The following UROS variants were observed in gnomAD, a reference collection of about 807,000 sequenced individuals.
UROS encodes uroporphyrinogen III synthase, also known as uroporphyrinogen-III synthase.
Under a neutral mutation model 33.0 loss-of-function variants are expected in UROS, and 18 were observed. The ratio of observed to expected loss-of-function variants is 0.55; its 90% CI spans 0.38 to 0.81. The LOEUF (loss-of-function observed/expected upper bound fraction) is 0.81. Among genes scored for constraint, UROS ranks in the 30% least tolerant of loss-of-function variants. The pLI, the probability that UROS is intolerant of heterozygous loss-of-function variation, is 0.00. For missense variants in UROS, 293 were observed against 314.9 expected (o/e 0.93, Z 0.53); for synonymous variants, 114 against 121.1 (o/e 0.94, Z 0.38).
intron 7 of UROS, chr10:125,796,897 G>T: frequency 2.0e-6 from 2 of 981,174 alleles, no homozygotes; most frequent in Non-Finnish European, 2.4e-6. Flanking sequence ...CAGAAGAAAT[G>T]ATAACTTCAG....
intron 9 of UROS, chr10:125,793,122 C>T (rs1215349549): frequency 6.6e-6 from 1 of 152,266 alleles, no homozygotes; most frequent in Admixed American, 6.5e-5. Context: ...ACTCAGCCCC[C>T]AGCTGCCATG....
chr10:125,814,418 A>T (rs900486264), intron 4 of UROS, among the ~76,000 whole-genome samples: 7 of 152,218 alleles, frequency 4.6e-5, no homozygotes, highest in Non-Finnish European at 8.8e-5. Flanking sequence ...CAATGGTAAC[A>T]TAAGACATAA....
intron 1 of UROS, among the ~76,000 whole-genome samples, chr10:125,816,950 T>G (rs1487382013): frequency 6.6e-6 from 1 of 152,264 alleles, no homozygotes. Flanking sequence ...TTATATTGAC[T>G]CTTCTACTTA....
chr10:125,816,097 G>C, intron 3 of UROS, 80 bp downstream of exon 3: 2 of 1,352,574 alleles, frequency 1.5e-6, no homozygotes, highest in Non-Finnish European at 2.1e-6. Context: ...TAAGAAGACA[G>C]TAAAATAGTC....
chr10:125,787,002 T>C (rs756562465), downstream of UROS, among the ~76,000 whole-genome samples: 5 of 152,194 alleles, frequency 3.3e-5, no homozygotes, highest in Non-Finnish European at 2.9e-5. Context: ...GCTTTGCTCA[T>C]CTCCCGCCCC....
chr10:125,816,291 C>T, intron 2 of UROS, 31 bp from the exon 3 acceptor site: 1 of 1,609,710 alleles, frequency 6.2e-7, no homozygotes, highest in Non-Finnish European at 8.5e-7. Flanking sequence ...TCTGGATTGG[C>T]TAGGGCTGTT....
At chr10:125,799,100 C>T (rs1851603066) in intron 6 of UROS, among the ~76,000 whole-genome samples, 1 of 152,196 alleles carries the variant, frequency 6.6e-6, no homozygotes, top group South Asian at 2.1e-4. Context: ...AAAACAACCC[C>T]TTTCCATCCA....
chr10:125,806,908 TAGTTTAAGACTA>T (rs1564792013), intron 6 of UROS, among the ~76,000 whole-genome samples: 1 of 152,162 alleles, frequency 6.6e-6, no homozygotes, highest in African/African-American at 2.4e-5. Context: ...ATTCCATAAT[TAGTTTAAGACTA>T]AGTCCCCATT....
Position 125,788,824 on chromosome 10 carries a change from C to G in UROS, c.*44G>C. 2 of 1,546,888 alleles carry G rather than the reference C, an allele frequency of 1.3e-6. No individual in the cohort carries two copies. Among genetic ancestry groups the G allele is most frequent in the Non-Finnish European group, 1.7e-6 (2 of 1,145,496 alleles). On this transcript the variant is annotated 3_prime_UTR_variant, in exon 10 of 10. Transcript: ENST00000368797. ...GATGCCTGGCTCCATCCAGAGCCAG[C>G]CCAGCCCAGGGAGGCTGCATGGGGC...
chr10:125,810,747 C>A (rs1852734176), intron 5 of UROS, among the ~76,000 whole-genome samples: 1 of 152,106 alleles, frequency 6.6e-6, no homozygotes, highest in Non-Finnish European at 1.5e-5. Context: ...ATGCCTTGTC[C>A]CTGTACCTAC....
intron 1 of UROS, 103 bp downstream of exon 1, chr10:125,822,926 C>T (rs1248741813): frequency 6.6e-6 from 1 of 152,238 alleles, no homozygotes; most frequent in Non-Finnish European, 1.5e-5. Context: ...CCGCGGAAGC[C>T]TCGGGGCCCT....
At position 125,796,141 on chromosome 10, in the gene UROS, C is replaced by T. The variant is rs528088203; in HGVS notation, c.523G>A (p.Gly175Arg). ...TAGCTGTTCAGGTTCCCTTGGATTC[C>T]TGGGTGTGCAACTGTCTGATACACA... ...ITVYQTVAHP[G>R]IQGNLNSYYS... is the part of the protein sequence containing the mutation. Residue 175 changes from glycine (G) to arginine (R), a missense_variant, in exon 8 of 10, where the codon GGA becomes AGA. Physicochemically the swap from Gly to Arg is moderately radical, Grantham distance 125. Coordinates refer to ENST00000368797, the MANE Select transcript of UROS (RefSeq NM_000375.3). 6.2e-7 allele frequency: 1 copy of T among 1,614,162 alleles called. No homozygotes were observed. Among genetic ancestry groups the T allele is most frequent in the South Asian group, 1.1e-5 (1 of 91,082 alleles).
At chr10:125,818,516 T>C (rs1361339081) in intron 1 of UROS, among the ~76,000 whole-genome samples, 1 of 151,094 alleles carries the variant, frequency 6.6e-6, no homozygotes, top group Non-Finnish European at 1.5e-5. Context: ...ATAATAATAA[T>C]ATAAAATTAA....
At chr10:125,789,126 C>T (rs750352395) in intron 9 of UROS, 121 bp from the exon 10 acceptor site, 19 of 1,450,248 alleles carry the variant, frequency 1.3e-5, no homozygotes, top group Middle Eastern at 3.8e-4. Flanking sequence ...GCTCATGTGA[C>T]GTGTTTATAA....
At chr10:125,801,948 T>C (rs1462769499) in intron 6 of UROS, 2 of 916,106 alleles carry the variant, frequency 2.2e-6, no homozygotes, top group African/African-American at 1.8e-5. Context: ...TACAGCTCAA[T>C]GTCTTCACTG....
At chr10:125,789,153 C>T (rs138461821) in intron 9 of UROS, 148 bp from the exon 10 acceptor site, 19 of 1,419,534 alleles carry the variant, frequency 1.3e-5, no homozygotes, top group East Asian at 2.4e-5. Context: ...CAACACTGCC[C>T]GATTCTAGCC....
chr10:125,787,515 TC>T (rs1342598131), downstream of UROS, among the ~76,000 whole-genome samples: 1 of 152,002 alleles, frequency 6.6e-6, no homozygotes, highest in African/African-American at 2.4e-5. Flanking sequence ...GTCTAACACC[TC>T]CTGCTGCTTG....
At position 125,818,213 on chromosome 10, in the gene UROS, G is replaced by T. The variant is rs192398486; in HGVS notation, c.-26-1688C>A. ...TAATATAAAATTAGGCCAGGACAGT[G>T]GTTCATGCCTGGTAATCTCAGCACT... is the stretch of plus-strand genomic sequence containing the variant. On this transcript the variant is annotated intron_variant, in intron 1 of 9. Transcript: ENST00000368797. Among the ~76,000 whole-genome samples the T allele has an allele frequency of 1.8e-3, 281 of 152,324 alleles. 4 individuals are homozygous for T. The South Asian group carries it at 0.027, about 14-fold the overall frequency.
At chr10:125,804,127 G>A (rs868853683) in intron 6 of UROS, among the ~76,000 whole-genome samples, 1 of 152,196 alleles carries the variant, frequency 6.6e-6, no homozygotes, top group African/African-American at 2.4e-5. Flanking sequence ...GAGGTGACTG[G>A]TGGTGGCCCC....
Sources: gnomAD v4.1 joint callset for allele counts (sites outside exome capture counted in the v4.1 genomes callset) on GRCh38, gnomAD v4.1.1 for gene constraint, MANE v1.5 for transcripts, NCBI Gene and HGNC (gene_info 2026-07-23, HGNC 2026-07-21) for gene names.